Variants in TIPARP observed in about 807,000 individuals in gnomAD.
TIPARP encodes the protein protein mono-ADP-ribosyltransferase TIPARP.
A neutral mutation model predicts 56.5 loss-of-function variants in TIPARP; 12 were observed. The ratio of observed to expected loss-of-function variants is 0.21; its 90% CI spans 0.14 to 0.34. TIPARP has a LOEUF of 0.34. Ranked by LOEUF, TIPARP falls within the 10% of genes least tolerant of loss-of-function variation. The pLI is 1.00. For missense variants in TIPARP, 604 were observed against 781.6 expected (o/e 0.77, Z 2.71); for synonymous variants, 296 against 265.7 (o/e 1.11, Z -1.11).
At chr3:156,690,479 T>G (rs1251244695) in intron 2 of TIPARP, among the ~76,000 whole-genome samples, 1 of 152,214 alleles carries the variant, frequency 6.6e-6, no homozygotes. Context: ...ACCATTGTTA[T>G]AAAGCATCTA....
chr3:156,680,300 T>C (rs1300838744), intron 2 of TIPARP, among the ~76,000 whole-genome samples: 1 of 152,206 alleles, frequency 6.6e-6, no homozygotes, highest in Non-Finnish European at 1.5e-5. Flanking sequence ...TTTTAACTTA[T>C]TTTTTTAAGC....
chr3:156,704,542 A>C, intron 5 of TIPARP, 142 bp from the exon 6 acceptor site: 2 of 795,718 alleles, frequency 2.5e-6, no homozygotes, highest in Non-Finnish European at 4.0e-6. Flanking sequence ...GATAAGTTTC[A>C]ACTTTTAATA....
chr3:156,681,674 T>C (rs1307046062), intron 2 of TIPARP, among the ~76,000 whole-genome samples: 2 of 152,222 alleles, frequency 1.3e-5, no homozygotes, highest in Non-Finnish European at 2.9e-5. Flanking sequence ...GCTTAGATAC[T>C]AAAAGCACAT....
chr3:156,691,323 A>G (rs2108492910), intron 2 of TIPARP, among the ~76,000 whole-genome samples: 1 of 152,326 alleles, frequency 6.6e-6, no homozygotes, highest in East Asian at 1.9e-4. Context: ...ACTGGATGCC[A>G]ATAACCACCT....
chr3:156,677,568 G>T (rs1722171277), intron 1 of TIPARP, 89 bp from the exon 2 acceptor site: 1 of 874,518 alleles, frequency 1.1e-6, no homozygotes, highest in Non-Finnish European at 1.7e-6. Flanking sequence ...CAGGGAATCA[G>T]TCAGGACAAA....
intron 2 of TIPARP, among the ~76,000 whole-genome samples, chr3:156,687,559 A>G (rs1320667071): frequency 6.6e-6 from 1 of 152,134 alleles, no homozygotes; most frequent in Non-Finnish European, 1.5e-5. Context: ...GTATGGTATT[A>G]TTTATTAGGG....
At chr3:156,680,577 T>C (rs2108487112) in intron 2 of TIPARP, among the ~76,000 whole-genome samples, 1 of 152,278 alleles carries the variant, frequency 6.6e-6, no homozygotes, top group Non-Finnish European at 1.5e-5. Context: ...TTCTATCTGT[T>C]TGAATTGATC....
intron 2 of TIPARP, among the ~76,000 whole-genome samples, chr3:156,684,094 CAT>C (rs1447096070): frequency 2.6e-5 from 4 of 152,154 alleles, no homozygotes; most frequent in Admixed American, 6.5e-5. Context: ...AAGGAAAAAA[CAT>C]ATTTCAAATT....
intron 2 of TIPARP, among the ~76,000 whole-genome samples, chr3:156,687,895 GTC>G (rs1478343499): frequency 6.6e-6 from 1 of 152,140 alleles, no homozygotes; most frequent in Non-Finnish European, 1.5e-5. Flanking sequence ...TTTCCAAGAT[GTC>G]TCAGGAGGTA....
At chr3:156,699,086 C>T (rs1722785188) in intron 4 of TIPARP, among the ~76,000 whole-genome samples, 1 of 152,112 alleles carries the variant, frequency 6.6e-6, no homozygotes, top group Non-Finnish European at 1.5e-5. Flanking sequence ...CATGATAAAA[C>T]TTGGATGCAT....
At chr3:156,698,529 G>T (rs1321171658) in intron 4 of TIPARP, among the ~76,000 whole-genome samples, 1 of 152,160 alleles carries the variant, frequency 6.6e-6, no homozygotes, top group Non-Finnish European at 1.5e-5. Flanking sequence ...AATGGAAAAA[G>T]TGTGGATGAC....
Position 156,703,611 on chromosome 3 carries a change from A to C in TIPARP, c.1435A>C (p.Asn479His). 1 of 1,614,236 alleles carries C rather than the reference A, an allele frequency of 6.2e-7. No individual in the cohort carries two copies. Among genetic ancestry groups the C allele is most frequent in the Non-Finnish European group, 8.5e-7 (1 of 1,180,044 alleles). Residue 479 changes from asparagine to histidine, a missense_variant, in exon 5 of 6, where the codon AAT (asparagine) becomes CAT (histidine). Physicochemically the swap from Asn to His is moderately conservative, Grantham distance 68. This residue lies in a region of TIPARP where 252 missense variants were observed against 303.9 expected (regional missense o/e 0.83). Transcript: ENST00000295924. Reference protein sequence around the residue: ...AEDKSYRIIYNLFHKTVPEFK... With the variant: ...AEDKSYRIIYHLFHKTVPEFK... ...GGATAAAAGTTATCGGATCATTTAC[A>C]ATCTTTTTCATAAGACTGTGCCTGA...
intron 2 of TIPARP, among the ~76,000 whole-genome samples, chr3:156,680,367 G>A (rs1045020226): frequency 2.0e-5 from 3 of 151,960 alleles, no homozygotes; most frequent in Admixed American, 1.3e-4. Context: ...TTTTAATAAG[G>A]TATTTTCCAA....
At chr3:156,689,584 G>C (rs1051356720) in intron 2 of TIPARP, among the ~76,000 whole-genome samples, 2 of 152,258 alleles carry the variant, frequency 1.3e-5, no homozygotes, top group South Asian at 2.1e-4. Context: ...AAATTCACTG[G>C]TGTTTCCTAC....
At chr3:156,680,414 T>C (rs573623385) in intron 2 of TIPARP, among the ~76,000 whole-genome samples, 35 of 152,192 alleles carry the variant, frequency 2.3e-4, no homozygotes, top group Non-Finnish European at 3.4e-4. Flanking sequence ...TTCTAATTGC[T>C]ATGTCAAGGG....
At chr3:156,680,291 TTTAAC>T (rs542809966) in intron 2 of TIPARP, among the ~76,000 whole-genome samples, 269 of 152,276 alleles carry the variant, frequency 1.8e-3, no homozygotes, top group Admixed American at 5.6e-3. Context: ...GCTAAGTACT[TTTAAC>T]TTATTTTTTT....
At position 156,706,564 on chromosome 3, in the gene TIPARP, A is replaced by G. The variant is rs1049487851; in HGVS notation, c.*1433A>G. 4.6e-5 allele frequency: 7 copies of G among 152,636 alleles called. No individual in the cohort carries two copies. Among genetic ancestry groups the G allele is most frequent in the Middle Eastern group, 3.2e-3 (1 of 314 alleles). 9.5% of individuals were successfully genotyped at this position (152,636 alleles called of 1,614,324 possible). ...TGCTGCCATTGGCATGAAATGGCCA[A>G]CTGTGGCTGTTACAGTTCTTTCATT... On this transcript the variant is annotated 3_prime_UTR_variant, in exon 6 of 6. Coordinates refer to ENST00000295924, the MANE Select transcript of TIPARP (RefSeq NM_015508.5).
chr3:156,704,840 A>G lies in TIPARP; in HGVS notation c.1683A>G (p.Gln561=), dbSNP rs973547078. 1.2e-6 allele frequency: 2 copies of G among 1,614,102 alleles called. No individual in the cohort carries two copies. Among genetic ancestry groups the G allele is most frequent in the Non-Finnish European group, 1.7e-6 (2 of 1,180,046 alleles). ...GAAAGCATGCTACAATGTTTGGACA[A>G]GGCAGTTATTTTGCAAAGAAGGCAA... ...VCGKHATMFG[Q]GSYFAKKASY... Residue 561 remains glutamine (Q), a synonymous_variant, in exon 6 of 6, where the codon CAA becomes CAG. Coordinates refer to ENST00000295924, the MANE Select transcript of TIPARP (RefSeq NM_015508.5).
At chr3:156,687,570 G>A (rs1177759093) in intron 2 of TIPARP, among the ~76,000 whole-genome samples, 1 of 152,024 alleles carries the variant, frequency 6.6e-6, no homozygotes, top group Non-Finnish European at 1.5e-5. Context: ...TTTATTAGGG[G>A]TTTAGCAAAC....
Sources: allele counts gnomAD v4.1 joint callset (sites outside exome capture counted in the v4.1 genomes callset), GRCh38; gene constraint gnomAD v4.1.1; regional missense constraint gnomAD v4.1.1; transcripts MANE v1.5; gene names NCBI Gene and HGNC (gene_info 2026-07-23, HGNC 2026-07-21).